UBAP1: variants seen among roughly 807,000 people sequenced by gnomAD.
UBAP1 encodes ubiquitin associated protein 1, also known as ubiquitin-associated protein 1.
In UBAP1, 5 loss-of-function variants were observed where a neutral mutation model predicts 39.0. The observed-to-expected ratio is 0.13, with a 90% CI of 0.07 to 0.27. UBAP1 has a LOEUF of 0.27. UBAP1 is among the 10% of genes least tolerant of loss of function. The probability of loss-of-function intolerance (pLI) is 1.00; values close to 1 mark genes in which losing one functional copy is unlikely to be tolerated. For synonymous variants in UBAP1, 211 were observed against 225.1 expected (o/e 0.94, Z 0.56); for missense variants, 490 against 608.1 (o/e 0.81, Z 2.04).
At chr9:34,207,048 C>CTTTTTTTTTTTTTTTT (rs34197502) in intron 1 of UBAP1, among the ~76,000 whole-genome samples, 2 of 90,054 alleles carry the variant, frequency 2.2e-5, no homozygotes, top group Admixed American at 1.7e-4. Context: ...ATTGTTATTT[C>CTTTTTTTTTTTTTTTT]TTTTTTTTTT....
At chr9:34,182,656 TTTCTTTCTTTCTTTC>T (rs1236558108) in intron 1 of UBAP1, among the ~76,000 whole-genome samples, 14 of 64,964 alleles carry the variant, frequency 2.2e-4, no homozygotes, top group South Asian at 8.8e-4. Context: ...TCTTTCTTTC[TTTCTTTCTTTCTTTC>T]TTTCTTTCTT....
intron 6 of UBAP1, 123 bp from the exon 7 acceptor site, chr9:34,251,269 C>A: frequency 9.3e-7 from 1 of 1,079,310 alleles, no homozygotes; most frequent in Non-Finnish European, 1.3e-6. Flanking sequence ...ACTCACGGGG[C>A]TCTGGGGGAA....
chr9:34,192,191 T>C (rs887859250), intron 1 of UBAP1, among the ~76,000 whole-genome samples: 7 of 151,620 alleles, frequency 4.6e-5, no homozygotes, highest in Non-Finnish European at 1.0e-4. Flanking sequence ...GCTTGTATTG[T>C]AATGGCAGAA....
intron 1 of UBAP1, among the ~76,000 whole-genome samples, chr9:34,184,527 A>T (rs1830273159): frequency 6.8e-6 from 1 of 146,462 alleles, no homozygotes; most frequent in African/African-American, 2.5e-5. Flanking sequence ...GCTACTCGGG[A>T]GGCTGAGGCA....
chr9:34,193,748 T>C (rs1412987695), intron 1 of UBAP1, among the ~76,000 whole-genome samples: 1 of 152,162 alleles, frequency 6.6e-6, no homozygotes, highest in African/African-American at 2.4e-5. Flanking sequence ...TTCTATACCC[T>C]TCTTGGGGCA....
intron 2 of UBAP1, chr9:34,224,043 G>C: frequency 1.8e-6 from 1 of 548,858 alleles, no homozygotes; most frequent in East Asian, 3.2e-5. Flanking sequence ...TTCCCCTCTA[G>C]CACATAGCCG....
At chr9:34,206,468 C>T (rs1187535000) in intron 1 of UBAP1, among the ~76,000 whole-genome samples, 1 of 151,894 alleles carries the variant, frequency 6.6e-6, no homozygotes, top group Admixed American at 6.6e-5. Context: ...CAAGATTGTG[C>T]CACTGCATTC....
At chr9:34,236,175 A>G (rs1228075260) in intron 3 of UBAP1, among the ~76,000 whole-genome samples, 1 of 152,026 alleles carries the variant, frequency 6.6e-6, no homozygotes, top group East Asian at 1.9e-4. Context: ...TTAATCTTTT[A>G]TACCATATTT....
Position 34,180,999 on chromosome 9 carries a change from G to T in UBAP1, c.-8+1759G>T, listed in dbSNP as rs527347524. Among the ~76,000 whole-genome samples the T allele has an allele frequency of 2.6e-5, 4 of 151,712 alleles. No homozygotes were observed. The South Asian group carries it at 8.4e-4, about 32-fold the overall frequency. ...CTAATTTTTGTATTTTAGTAGAGAC[G>T]GGGTTTCACCATGTTGGTCAGGCTG... On this transcript the variant is annotated intron_variant, in intron 1 of 6. Transcript: ENST00000297661.
chr9:34,234,858 ATCTT>A (rs768473410), intron 3 of UBAP1, among the ~76,000 whole-genome samples: 2 of 152,178 alleles, frequency 1.3e-5, no homozygotes, highest in Admixed American at 6.6e-5. Context: ...TTTTAGCATT[ATCTT>A]TCTACTTATT....
rs981480495 is a variant in UBAP1 at position 34,207,147 on chromosome 9, G to A, written c.-7-13761G>A. Among the ~76,000 whole-genome samples the A allele has an allele frequency of 4.8e-5, 7 of 146,794 alleles. No homozygotes were observed. The Admixed American group carries it at 4.8e-4, about 10-fold the overall frequency. ...GCTCACTGCAACCTCTGCCTCCCAG[G>A]TTTAAGTGATTCTCCTGCCTCAGCC... On this transcript the variant is annotated intron_variant, in intron 1 of 6. Transcript: ENST00000297661.
intron 1 of UBAP1, among the ~76,000 whole-genome samples, chr9:34,215,150 A>G (rs1368627212): frequency 6.6e-6 from 1 of 152,156 alleles, no homozygotes; most frequent in Non-Finnish European, 1.5e-5. Context: ...AAAAGAAGTC[A>G]TTTGAAAAAG....
chr9:34,218,663 G>T (rs966946906), intron 1 of UBAP1, among the ~76,000 whole-genome samples: 10 of 152,198 alleles, frequency 6.6e-5, no homozygotes, highest in Non-Finnish European at 1.3e-4. Context: ...ACCGGGTGCA[G>T]TGGCTCATGC....
intron 1 of UBAP1, among the ~76,000 whole-genome samples, chr9:34,182,627 CT>C (rs1563880902): frequency 2.4e-4 from 11 of 46,212 alleles, no homozygotes; most frequent in Admixed American, 1.9e-3. Flanking sequence ...TTCTTTCTTT[CT>C]TTCTTTCTTT....
rs554183247 is a variant in UBAP1, at chr9:34,206,472, T to G, written c.-7-14436T>G. The stretch of plus-strand genomic sequence containing the variant: ...CTGCAGTGAGTCAAGATTGTGCCAC[T>G]GCATTCCAGCATGGGTGACAGAGTG... On this transcript the variant is annotated intron_variant, in intron 1 of 6. Transcript: ENST00000297661. 5.9e-5 allele frequency among the ~76,000 whole-genome samples: 9 copies of G among 152,038 alleles called. No individual in the cohort carries two copies. In the South Asian group the frequency reaches 1.2e-3, roughly 21 times the overall value.
chr9:34,233,515 A>G (rs1201408442), intron 2 of UBAP1, among the ~76,000 whole-genome samples: 3 of 152,044 alleles, frequency 2.0e-5, no homozygotes, highest in African/African-American at 7.2e-5. Flanking sequence ...TTTTCTGGGG[A>G]GTCTCATCCA....
intron 1 of UBAP1, among the ~76,000 whole-genome samples, chr9:34,199,785 G>GCCA (rs1831266239): frequency 6.7e-6 from 1 of 149,232 alleles, no homozygotes; most frequent in East Asian, 2.0e-4. Context: ...ACAGGCACGT[G>GCCA]CCACCATGCC....
At chr9:34,209,079 C>T (rs1831877763) in intron 1 of UBAP1, among the ~76,000 whole-genome samples, 1 of 151,976 alleles carries the variant, frequency 6.6e-6, no homozygotes, top group Non-Finnish European at 1.5e-5. Context: ...GGATTACAGG[C>T]ATATGCCATG....
chr9:34,238,648 G>C (rs1022664927), intron 3 of UBAP1, among the ~76,000 whole-genome samples: 1 of 152,048 alleles, frequency 6.6e-6, no homozygotes, highest in African/African-American at 2.4e-5. Flanking sequence ...CTGAATTAAT[G>C]TTCCTTTTGT....
Sources: allele counts gnomAD v4.1 joint callset (sites outside exome capture counted in the v4.1 genomes callset), GRCh38; gene constraint gnomAD v4.1.1; transcripts MANE v1.5; gene names NCBI Gene and HGNC (gene_info 2026-07-23, HGNC 2026-07-21).